CCDC126: variants seen among roughly 807,000 people sequenced by gnomAD.
The protein encoded by CCDC126 is coiled-coil domain containing 126.
A neutral mutation model predicts 11.7 loss-of-function variants in CCDC126; 5 were observed. The observed-to-expected ratio is 0.43, with a 90% confidence interval of 0.22 to 0.90. The LOEUF is 0.90. Among genes scored for constraint, CCDC126 ranks in the 40% least tolerant of loss-of-function variants. The pLI, the probability that CCDC126 is intolerant of heterozygous loss-of-function variation, is 0.27. For synonymous variants in CCDC126, 60 were observed against 61.9 expected, an observed-to-expected ratio of 0.97 and a Z score of 0.14; for missense variants, 150 against 163.1, an observed-to-expected ratio of 0.92 and a Z score of 0.44.
intron 3 of CCDC126, among the ~76,000 whole-genome samples, chr7:23,637,941 AG>A (rs1783268226): frequency 1.1e-5 from 1 of 94,168 alleles, no homozygotes; most frequent in South Asian, 4.6e-4. Context: ...CTGCCCGGCC[AG>A]CCGCCCCGTC....
At chr7:23,633,023 G>T (rs574344509) in intron 3 of CCDC126, among the ~76,000 whole-genome samples, 9 of 151,818 alleles carry the variant, frequency 5.9e-5, no homozygotes, top group Non-Finnish European at 1.3e-4. Flanking sequence ...ACGGAGTTTC[G>T]CTCTTGTTGC....
chr7:23,618,700 A>G (rs1782837642), intron 3 of CCDC126, among the ~76,000 whole-genome samples: 1 of 150,978 alleles, frequency 6.6e-6, no homozygotes, highest in Non-Finnish European at 1.5e-5. Flanking sequence ...ACAGGCATGC[A>G]CCACCGCGCC....
chr7:23,606,323 G>A (rs1236621353), intron 2 of CCDC126, among the ~76,000 whole-genome samples: 1 of 152,142 alleles, frequency 6.6e-6, no homozygotes, highest in Non-Finnish European at 1.5e-5. Flanking sequence ...CTCCCAAAGT[G>A]CTGGGATTAC....
chr7:23,635,030 AAT>A (rs1783185013), intron 3 of CCDC126, among the ~76,000 whole-genome samples: 1 of 152,220 alleles, frequency 6.6e-6, no homozygotes, highest in South Asian at 2.1e-4. Flanking sequence ...TGTGCTATGA[AAT>A]AATCAGGCTA....
At position 23,600,261 on chromosome 7, in the gene CCDC126, C is replaced by G. The variant is rs112454569; in HGVS notation, c.-146+2210C>G. ...GTGCCATCTAAAAATGATCTGATAT[C>G]TTGACACTCATTATTTCCGTATCTT... On this transcript the variant is annotated intron_variant, in intron 2 of 3. Coordinates refer to ENST00000307471, the MANE Select transcript of CCDC126 (RefSeq NM_138771.4). 6.4e-3 allele frequency among the ~76,000 whole-genome samples: 966 copies of G among 151,856 alleles called. 13 individuals carry two copies. Among genetic ancestry groups the G allele is most frequent in the African/African-American group, 0.023 (932 of 41,380 alleles).
At chr7:23,617,463 T>C (rs1782815898) in intron 3 of CCDC126, among the ~76,000 whole-genome samples, 1 of 152,012 alleles carries the variant, frequency 6.6e-6, no homozygotes, top group South Asian at 2.1e-4. Flanking sequence ...CTTCCAAATA[T>C]ATCTGGTGAT....
chr7:23,602,496 A>G (rs745675298), intron 2 of CCDC126, among the ~76,000 whole-genome samples: 1 of 152,190 alleles, frequency 6.6e-6, no homozygotes, highest in Non-Finnish European at 1.5e-5. Context: ...AGGGGAACAC[A>G]AAGCTTTCTT....
chr7:23,638,234 G>A lies in CCDC126; in HGVS notation c.239-4697G>A, dbSNP rs549645343. Among the ~76,000 whole-genome samples, 413 of 152,148 alleles carry A rather than the reference G, an allele frequency of 2.7e-3. 2 individuals are homozygous for A. The highest frequency in any genetic ancestry group is 4.6e-3 in the Non-Finnish European group (313 of 67,990). On this transcript the variant is annotated intron_variant, in intron 3 of 3. Transcript: ENST00000307471. ...GAGGTGTGCCTAGCGACTCATTGGG[G>A]ATGGGCCATGATGACAATGGCGGTT...
At chr7:23,607,897 A>G (rs10253646) in intron 2 of CCDC126, among the ~76,000 whole-genome samples, 46,197 of 152,092 alleles carry the variant, frequency 0.3, 8,277 homozygotes, top group African/African-American at 0.49. Context: ...AAGGGTTGCA[A>G]CCTGCACGGT....
chr7:23,614,825 C>CT (rs1364340120), intron 3 of CCDC126, among the ~76,000 whole-genome samples: 1 of 152,154 alleles, frequency 6.6e-6, no homozygotes, highest in African/African-American at 2.4e-5. Flanking sequence ...AACAGTAGGT[C>CT]TTAGTGGGCT....
chr7:23,603,896 TGGGACTTAATCA>T (rs1294867183), intron 2 of CCDC126, among the ~76,000 whole-genome samples: 2 of 152,176 alleles, frequency 1.3e-5, no homozygotes, highest in Non-Finnish European at 2.9e-5. Flanking sequence ...ATAAGGGACC[TGGGACTTAATCA>T]GGGAGACATG....
At chr7:23,625,483 A>G (rs899687437) in intron 3 of CCDC126, among the ~76,000 whole-genome samples, 2 of 152,144 alleles carry the variant, frequency 1.3e-5, no homozygotes, top group African/African-American at 4.8e-5. Flanking sequence ...TTAATTTTAA[A>G]TGGCATTTAG....
At chr7:23,636,815 G>C (rs1783232790) in intron 3 of CCDC126, among the ~76,000 whole-genome samples, 1 of 131,654 alleles carries the variant, frequency 7.6e-6, no homozygotes, top group Non-Finnish European at 1.7e-5. Flanking sequence ...CCGTCCGGGA[G>C]GTGAGGGGCT....
chr7:23,622,655 C>T (rs997415943), intron 3 of CCDC126: 3 of 534,446 alleles, frequency 5.6e-6, no homozygotes, highest in East Asian at 5.4e-5. Context: ...ACTGTGTACA[C>T]ACAAAGGAAC....
At chr7:23,636,742 C>A (rs964092484) in intron 3 of CCDC126, among the ~76,000 whole-genome samples, 2 of 147,920 alleles carry the variant, frequency 1.4e-5, no homozygotes, top group Non-Finnish European at 3.0e-5. Context: ...CGTCTCCGCC[C>A]GGCAGCCACC....
At chr7:23,622,903 A>T (rs535096718) in intron 3 of CCDC126, 2 of 337,018 alleles carry the variant, frequency 5.9e-6, no homozygotes, top group African/African-American at 4.4e-5. Context: ...ATGCAGTAAC[A>T]TGAATTATTA....
chr7:23,623,586 A>T lies in CCDC126; in HGVS notation c.238+12033A>T, dbSNP rs1448266916. On this transcript the variant is annotated intron_variant, in intron 3 of 3. Coordinates refer to ENST00000307471, the MANE Select transcript of CCDC126 (RefSeq NM_138771.4). ...ATTCCAGCCTAGGTGACAGAGTGAG[A>T]CTGTCTCAAAAAAAAAAAAAAAAAA... Among the ~76,000 whole-genome samples, 3 of 131,842 alleles carry T rather than the reference A, an allele frequency of 2.3e-5. No homozygotes were observed. In the East Asian group the frequency reaches 7.1e-4, roughly 31 times the overall value. The allele number at this position is 131,842 out of a possible 152,430, so 86.5% of individuals were successfully genotyped here. A position where few individuals can be genotyped will look rare whatever the true frequency, so the allele number is the denominator to read the frequency against.
intron 3 of CCDC126, chr7:23,619,327 G>A (rs975278299): frequency 3.2e-5 from 10 of 312,058 alleles, no homozygotes; most frequent in Admixed American, 7.3e-5. Context: ...GGAGTGTGGC[G>A]TGACCATAGG....
At chr7:23,623,663 AT>A (rs1319204720) in intron 3 of CCDC126, among the ~76,000 whole-genome samples, 2 of 152,006 alleles carry the variant, frequency 1.3e-5, no homozygotes, top group Non-Finnish European at 2.9e-5. Flanking sequence ...AATATGTTTT[AT>A]ACTTTATTGA....
Sources: gnomAD v4.1 joint callset for allele counts (sites outside exome capture counted in the v4.1 genomes callset) on GRCh38, gnomAD v4.1.1 for gene constraint, MANE v1.5 for transcripts, NCBI Gene and HGNC (gene_info 2026-07-23, HGNC 2026-07-21) for gene names.